Variants in PPP6R3 observed in about 807,000 individuals in gnomAD.
PPP6R3 encodes serine/threonine-protein phosphatase 6 regulatory subunit 3.
Under a neutral mutation model 110.7 loss-of-function variants are expected in PPP6R3, and 38 were observed. The observed-to-expected ratio is 0.34, with a 90% CI of 0.26 to 0.45. PPP6R3 has a LOEUF of 0.45. PPP6R3 is among the 20% of genes least tolerant of loss of function. The pLI is 1.00. For missense variants in PPP6R3, 870 were observed against 1,062.4 expected (o/e 0.82, Z 2.52); for synonymous variants, 369 against 373.5 (o/e 0.99, Z 0.14).
chr11:68,499,545 T>A (rs118037366), intron 1 of PPP6R3, among the ~76,000 whole-genome samples: 24 of 152,122 alleles, frequency 1.6e-4, no homozygotes, highest in Non-Finnish European at 2.1e-4. Context: ...TTTGCCATGT[T>A]CTGTTTGTTA....
chr11:68,614,896 C>A lies in PPP6R3; in HGVS notation c.*1779C>A. On this transcript the variant is annotated 3_prime_UTR_variant, in exon 24 of 24. Coordinates refer to ENST00000393800, the MANE Select transcript of PPP6R3 (RefSeq NM_001164161.2). ...TGGTAGATAATATGCTCTGGTCTCG[C>A]CTGGTGGTGAGTTTTGCCAGCCATG... 1 of 834,464 alleles carries A rather than the reference C, an allele frequency of 1.2e-6. No individual in the cohort carries two copies. Among genetic ancestry groups the A allele is most frequent in the Non-Finnish European group, 1.9e-6 (1 of 515,248 alleles). 51.7% of individuals were successfully genotyped at this position (834,464 alleles called of 1,614,324 possible).
At chr11:68,577,914 T>C (rs1046626824) in intron 14 of PPP6R3, among the ~76,000 whole-genome samples, 1 of 152,212 alleles carries the variant, frequency 6.6e-6, no homozygotes, top group African/African-American at 2.4e-5. Context: ...AGTGGTTAGA[T>C]TGATAGGGCC....
At chr11:68,594,414 T>C (rs1387367629) in intron 18 of PPP6R3, among the ~76,000 whole-genome samples, 1 of 152,014 alleles carries the variant, frequency 6.6e-6, no homozygotes, top group Non-Finnish European at 1.5e-5. Context: ...CCCAGCACTT[T>C]GGGAGGCCAA....
At chr11:68,537,635 A>G (rs1240640784) in intron 2 of PPP6R3, 24 bp from the exon 3 acceptor site, 2 of 1,388,172 alleles carry the variant, frequency 1.4e-6, no homozygotes, top group Non-Finnish European at 2.0e-6. Flanking sequence ...AAATTTTATG[A>G]AATACTTTCT....
intron 1 of PPP6R3, among the ~76,000 whole-genome samples, chr11:68,461,206 C>G (rs1188510314): frequency 1.7e-4 from 25 of 151,446 alleles, no homozygotes; most frequent in Non-Finnish European, 7.4e-5. Context: ...TCTCGCCCCC[C>G]GCCCGGCCCG....
chr11:68,556,975 A>G (rs1465140212), intron 7 of PPP6R3, among the ~76,000 whole-genome samples: 3 of 152,256 alleles, frequency 2.0e-5, no homozygotes, highest in Non-Finnish European at 2.9e-5. Flanking sequence ...GGCCTCTGTT[A>G]GCCATCTTCA....
chr11:68,604,426 T>G (rs1938273599), intron 22 of PPP6R3, among the ~76,000 whole-genome samples: 1 of 152,254 alleles, frequency 6.6e-6, no homozygotes, highest in African/African-American at 2.4e-5. Context: ...CTGGTAAGTA[T>G]CTCTAGAAAA....
chr11:68,588,194 A>G (rs1455416768), intron 16 of PPP6R3, among the ~76,000 whole-genome samples, 170 bp downstream of exon 16: 1 of 152,114 alleles, frequency 6.6e-6, no homozygotes, highest in Non-Finnish European at 1.5e-5. Flanking sequence ...CTGGATAATT[A>G]GGACTTAAAA....
intron 16 of PPP6R3, among the ~76,000 whole-genome samples, chr11:68,589,697 CAAT>C (rs1272022690): frequency 6.6e-6 from 1 of 152,204 alleles, no homozygotes; most frequent in Non-Finnish European, 1.5e-5. Flanking sequence ...AGTAAATTCT[CAAT>C]AATTTGTTGA....
chr11:68,509,853 G>A (rs2099099490), intron 1 of PPP6R3, among the ~76,000 whole-genome samples: 1 of 147,352 alleles, frequency 6.8e-6, no homozygotes, highest in South Asian at 2.1e-4. Context: ...GGGTTCAAGC[G>A]ATTCTCCTGC....
At chr11:68,585,406 G>T (rs918264954) in intron 15 of PPP6R3, among the ~76,000 whole-genome samples, 2 of 152,198 alleles carry the variant, frequency 1.3e-5, no homozygotes, top group African/African-American at 4.8e-5. Context: ...TGGCATTACT[G>T]TTAAGAGATT....
chr11:68,508,026 C>G (rs868822135), intron 1 of PPP6R3, among the ~76,000 whole-genome samples: 1 of 138,862 alleles, frequency 7.2e-6, no homozygotes. Flanking sequence ...GGCAACATAG[C>G]AACACCTCAT....
intron 9 of PPP6R3, among the ~76,000 whole-genome samples, chr11:68,564,823 T>C (rs1326507820): frequency 6.6e-6 from 1 of 152,218 alleles, no homozygotes; most frequent in African/African-American, 2.4e-5. Context: ...CGACCTTATT[T>C]AAGAAAGAGT....
chr11:68,537,595 T>G, intron 2 of PPP6R3, 64 bp from the exon 3 acceptor site: 1 of 1,123,616 alleles, frequency 8.9e-7, no homozygotes, highest in Non-Finnish European at 1.3e-6. Context: ...AACTGAAATA[T>G]GAATTATGGA....
In PPP6R3 at chr11:68,573,114, T is replaced by TTATATATATATATATATATA. The variant is rs60848718; in HGVS notation, c.1344-974_1344-955dup. Among the ~76,000 whole-genome samples, 65 of 61,772 alleles carry TTATATATATATATATATATA rather than the reference T, an allele frequency of 1.1e-3. 1 individual carries two copies. The highest frequency in any genetic ancestry group is 2.7e-3 in the East Asian group (3 of 1,132). 40.5% of individuals were successfully genotyped at this position (61,772 alleles called of 152,430 possible). A position where few individuals can be genotyped will look rare whatever the true frequency, so the allele number is the denominator to read the frequency against. ...TCAGATTAATATGAGTTTACTTATT[T>TTATATATATATATATATATA]TATATATATATATATATATATATAT... On this transcript the variant is annotated intron_variant, in intron 12 of 23. Coordinates refer to ENST00000393800, the MANE Select transcript of PPP6R3 (RefSeq NM_001164161.2).
chr11:68,588,255 T>TGG (rs2099584866), intron 16 of PPP6R3, among the ~76,000 whole-genome samples: 1 of 151,930 alleles, frequency 6.6e-6, no homozygotes, highest in African/African-American at 2.4e-5. Flanking sequence ...TCCCAGCACT[T>TGG]TGGGGGGCTG....
chr11:68,468,751 T>C (rs915936182), intron 1 of PPP6R3, among the ~76,000 whole-genome samples: 4 of 152,260 alleles, frequency 2.6e-5, no homozygotes, highest in African/African-American at 9.6e-5. Context: ...TTTTAATGTA[T>C]ATAACTGTGA....
chr11:68,468,476 T>A lies in PPP6R3; in HGVS notation c.-158+7649T>A, dbSNP rs537742134. Among the ~76,000 whole-genome samples the A allele has an allele frequency of 2.4e-4, 37 of 152,324 alleles. No homozygotes were observed. The South Asian group carries it at 7.5e-3, about 31-fold the overall frequency. ...CCTTTTCACTGTGGACTTCTTGTTA[T>A]TACACCCTTAGATGGACTCAGCAGC... On this transcript the variant is annotated intron_variant, in intron 1 of 23. Transcript: ENST00000393800.
At chr11:68,596,065 G>T in intron 18 of PPP6R3, 32 bp from the exon 19 acceptor site, 1 of 1,613,844 alleles carries the variant, frequency 6.2e-7, no homozygotes, top group Non-Finnish European at 8.5e-7. Flanking sequence ...CTGATAAGCA[G>T]TGTTAAATAC....
Sources: gnomAD v4.1 joint callset for allele counts (sites outside exome capture counted in the v4.1 genomes callset) on GRCh38, gnomAD v4.1.1 for gene constraint, MANE v1.5 for transcripts, NCBI Gene and HGNC (gene_info 2026-07-23, HGNC 2026-07-21) for gene names.